The following KCNQ1OT1 variants were observed in gnomAD, a reference collection of about 807,000 sequenced individuals.
The protein encoded by KCNQ1OT1 is KCNQ1 antisense RNA 2 (non-protein coding).
At chr11:2,633,028 C>T (rs1849388310) in exon 1 of KCNQ1OT1, 1 of 398,206 alleles carries the variant, frequency 2.5e-6, no homozygotes, top group African/African-American at 2.1e-5. Flanking sequence ...ATTTATAGTC[C>T]CACAAATAGT....
chr11:2,620,199 G>GTATATA lies in KCNQ1OT1; in HGVS notation n.79790_79795dup, dbSNP rs140322945. On this transcript the variant is annotated non_coding_transcript_exon_variant, in exon 1 of 1. Transcript: ENST00000597346. This position sits in a 1 kb window ranked among gnomAD's most constrained non-coding sequence, Gnocchi z 4.5. The stretch of plus-strand genomic sequence containing the variant: ...CTGCAAAGGACGTAAGTTCATTCAT[G>GTATATA]TATATATATATATTTTTTTTTTTTA... The GTATATA allele has an allele frequency of 0.026, 7,634 of 294,790 alleles. 109 individuals are homozygous for GTATATA. Among genetic ancestry groups the GTATATA allele is most frequent in the South Asian group, 0.089 (503 of 5,680 alleles). 18.3% of individuals were successfully genotyped at this position (294,790 alleles called of 1,614,324 possible).
chr11:2,686,998 C>A (rs1384891833), exon 1 of KCNQ1OT1: 4 of 398,516 alleles, frequency 1.0e-5, no homozygotes, highest in African/African-American at 4.1e-5. Context: ...CCCTGACTTG[C>A]TAAGATGGGA....
exon 1 of KCNQ1OT1, chr11:2,609,240 T>C (rs1342442482): frequency 1.5e-5 from 6 of 398,184 alleles, no homozygotes; most frequent in Non-Finnish European, 2.7e-5. Context: ...TTCATTAATC[T>C]CAAAGTACGT....
rs1850446922 is a variant in KCNQ1OT1 at position 2,684,200 on chromosome 11, GC to G, written n.15794del. 3.3e-5 allele frequency: 13 copies of G among 398,646 alleles called. No homozygotes were observed. In the Middle Eastern group the frequency reaches 1.9e-3, roughly 58 times the overall value. The allele number at this position is 398,646 out of a possible 1,614,324, so 24.7% of individuals were successfully genotyped here. ...GCCCACTGGGGCTTGGTCAGACTCT[GC>G]CAGGAGACAGGCAGCTGTCTGTTAA... On this transcript the variant is annotated non_coding_transcript_exon_variant, in exon 1 of 1. Coordinates refer to ENST00000597346, the Ensembl canonical transcript of KCNQ1OT1.
chr11:2,667,670 C>T, exon 1 of KCNQ1OT1: 1 of 398,688 alleles, frequency 2.5e-6, no homozygotes, highest in Non-Finnish European at 4.4e-6. Flanking sequence ...TGCAGAGCCT[C>T]TGGAGGCTGA....
rs1021762697 is a variant in KCNQ1OT1, at chr11:2,678,127, T to C, written n.21868A>G. 4 of 398,328 alleles carry C rather than the reference T, an allele frequency of 1.0e-5. No homozygotes were observed. Among genetic ancestry groups the C allele is most frequent in the Middle Eastern group, 6.2e-4 (1 of 1,606 alleles). The allele number at this position is 398,328 out of a possible 1,614,324, so 24.7% of individuals were successfully genotyped here. A position where few individuals can be genotyped will look rare whatever the true frequency, so the allele number is the denominator to read the frequency against. ...CTTTGTCATATTCATTGAAAATATTTTATCCTCATTTTCCTTAGGTGTTTT... is the reference window on the plus strand; with the variant it reads ...CTTTGTCATATTCATTGAAAATATTCTATCCTCATTTTCCTTAGGTGTTTT... On this transcript the variant is annotated non_coding_transcript_exon_variant, in exon 1 of 1. Transcript: ENST00000597346. This position sits in a 1 kb window ranked among gnomAD's most constrained non-coding sequence, Gnocchi z 4.9.
exon 1 of KCNQ1OT1, chr11:2,633,122 A>G (rs936993781): frequency 2.3e-5 from 9 of 398,394 alleles, no homozygotes; most frequent in African/African-American, 1.9e-4. Context: ...CTGAGGTGAA[A>G]TAATGTCTCA....
chr11:2,616,734 T>C (rs753092975), exon 1 of KCNQ1OT1: 4 of 398,138 alleles, frequency 1.0e-5, no homozygotes, highest in African/African-American at 2.1e-5. Flanking sequence ...CCTCACTATA[T>C]TGTAGTTAGA....
exon 1 of KCNQ1OT1, chr11:2,665,506 C>G (rs943879757): frequency 2.5e-6 from 1 of 394,576 alleles, no homozygotes; most frequent in Non-Finnish European, 4.4e-6. Flanking sequence ...CTGTGCCTTG[C>G]GTGTGGTAAC....
rs138670541 is a variant in KCNQ1OT1, at chr11:2,644,131, A to C, written n.55864T>G. On this transcript the variant is annotated non_coding_transcript_exon_variant, in exon 1 of 1. Coordinates refer to ENST00000597346, the Ensembl canonical transcript of KCNQ1OT1. ...TTCTGAGATTCCTATATTTGGATCT[A>C]AATCTCTTGGGAGATTGGGAAGTGT... is the stretch of plus-strand genomic sequence containing the variant. 9.9e-3 allele frequency: 3,944 copies of C among 398,582 alleles called. 42 individuals are homozygous for C. Among genetic ancestry groups the C allele is most frequent in the Non-Finnish European group, 8.8e-3 (1,986 of 226,042 alleles). 24.7% of individuals were successfully genotyped at this position (398,582 alleles called of 1,614,324 possible).
rs72850281 is a variant in KCNQ1OT1, at chr11:2,695,790, C to G, written n.4205G>C. The G allele has an allele frequency of 0.015, 6,004 of 398,620 alleles. 70 individuals are homozygous for G. Among genetic ancestry groups the G allele is most frequent in the Non-Finnish European group, 0.022 (4,964 of 226,064 alleles). 24.7% of individuals were successfully genotyped at this position (398,620 alleles called of 1,614,324 possible). ...CCTTATCCTACTTTCTAATGCTTCTCCTATGAAGAATAGCTGTTGCTTTCA... is the reference window on the plus strand; with the variant it reads ...CCTTATCCTACTTTCTAATGCTTCTGCTATGAAGAATAGCTGTTGCTTTCA... On this transcript the variant is annotated non_coding_transcript_exon_variant, in exon 1 of 1. Coordinates refer to ENST00000597346, the Ensembl canonical transcript of KCNQ1OT1. This position sits in a 1 kb window ranked among gnomAD's most constrained non-coding sequence, Gnocchi z 5.2.
rs1187006416 is a variant in KCNQ1OT1, at chr11:2,638,124, CTT to C, written n.61869_61870del. On this transcript the variant is annotated non_coding_transcript_exon_variant, in exon 1 of 1. Transcript: ENST00000597346. ...TACAGCACACTGATGGGTCTTGACT[CTT>C]TATCCAATTTGCCAGTCTGTGTCTT... 1.4e-4 allele frequency: 21 copies of C among 152,236 alleles called. No homozygotes were observed. The East Asian group carries it at 3.1e-3, about 22-fold the overall frequency. The allele number at this position is 152,236 out of a possible 1,614,324, so 9.4% of individuals were successfully genotyped here.
Position 2,677,989 on chromosome 11 carries a change from G to C in KCNQ1OT1, n.22006C>G. ...TTTACATTTCTTTTGTTGGAAATGA[G>C]GTTTTTATCTTTCCAAATGCTTAAA... is the stretch of plus-strand genomic sequence containing the variant. On this transcript the variant is annotated non_coding_transcript_exon_variant, in exon 1 of 1. Coordinates refer to ENST00000597346, the Ensembl canonical transcript of KCNQ1OT1. This position sits in a 1 kb window ranked among gnomAD's most constrained non-coding sequence, Gnocchi z 4.5. 2 of 394,482 alleles carry C rather than the reference G, an allele frequency of 5.1e-6. No individual in the cohort carries two copies. The highest frequency in any genetic ancestry group is 8.9e-6 in the Non-Finnish European group (2 of 225,664). 24.4% of individuals were successfully genotyped at this position (394,482 alleles called of 1,614,324 possible). A position where few individuals can be genotyped will look rare whatever the true frequency, so the allele number is the denominator to read the frequency against.
In KCNQ1OT1 at chr11:2,671,586, G is replaced by C; in HGVS notation, n.28409C>G. 1 of 398,618 alleles carries C rather than the reference G, an allele frequency of 2.5e-6. No individual in the cohort carries two copies. Among genetic ancestry groups the C allele is most frequent in the East Asian group, 3.6e-5 (1 of 28,078 alleles). 24.7% of individuals were successfully genotyped at this position (398,618 alleles called of 1,614,324 possible). On this transcript the variant is annotated non_coding_transcript_exon_variant, in exon 1 of 1. Coordinates refer to ENST00000597346, the Ensembl canonical transcript of KCNQ1OT1. The surrounding 1 kb of genome is among the most constrained non-coding windows in gnomAD (Gnocchi z 4.7). ...TCTTTGGCACTGAGCATTTATACAA[G>C]ATCAGACTGCACTGCACCCTAAGTA...
exon 1 of KCNQ1OT1, chr11:2,610,298 T>C (rs904729102): frequency 1.3e-5 from 5 of 398,008 alleles, no homozygotes; most frequent in Non-Finnish European, 1.8e-5. Flanking sequence ...TTACCACTTT[T>C]TGTGGTATTG....
chr11:2,618,888 C>T (rs988175710), exon 1 of KCNQ1OT1: 5 of 398,014 alleles, frequency 1.3e-5, no homozygotes, highest in African/African-American at 2.1e-5. Context: ...GTGTACAGGT[C>T]TTTCATCTTT....
In KCNQ1OT1 at chr11:2,671,972, C is replaced by A. The variant is rs1850191186; in HGVS notation, n.28023G>T. ...GGGTAGAAAGAGTGGGCTAAAAAGT[C>A]AGCTAGCACCCCTGACTTCAAGTCC... On this transcript the variant is annotated non_coding_transcript_exon_variant, in exon 1 of 1. Transcript: ENST00000597346. The surrounding 1 kb of genome is among the most constrained non-coding windows in gnomAD (Gnocchi z 4.7). 2.5e-6 allele frequency: 1 copy of A among 398,538 alleles called. No homozygotes were observed. The highest frequency in any genetic ancestry group is 1.3e-4 in the South Asian group (1 of 7,842). The allele number at this position is 398,538 out of a possible 1,614,324, so 24.7% of individuals were successfully genotyped here.
At chr11:2,665,499 T>C (rs1224072840) in exon 1 of KCNQ1OT1, 1 of 395,156 alleles carries the variant, frequency 2.5e-6, no homozygotes, top group Non-Finnish European at 4.4e-6. Context: ...TGCATCCCTG[T>C]GCCTTGCGTG....
At position 2,668,148 on chromosome 11, in the gene KCNQ1OT1, G is replaced by C. The variant is rs1242133047; in HGVS notation, n.31847C>G. The C allele has an allele frequency of 2.5e-6, 1 of 398,550 alleles. No homozygotes were observed. Among genetic ancestry groups the C allele is most frequent in the African/African-American group, 2.1e-5 (1 of 48,642 alleles). 24.7% of individuals were successfully genotyped at this position (398,550 alleles called of 1,614,324 possible). A position where few individuals can be genotyped will look rare whatever the true frequency, so the allele number is the denominator to read the frequency against. ...CAGCCTCTCTATGGGGCTGAAGGGA[G>C]AGTGCTCCCTCATGCTCCTTGCTGA... On this transcript the variant is annotated non_coding_transcript_exon_variant, in exon 1 of 1. Coordinates refer to ENST00000597346, the Ensembl canonical transcript of KCNQ1OT1. This position sits in a 1 kb window ranked among gnomAD's most constrained non-coding sequence, Gnocchi z 4.3.
Sources: allele counts gnomAD v4.1 joint callset, GRCh38; gene constraint gnomAD v4.1.1; non-coding constraint Gnocchi (gnomAD v3.1); transcripts MANE v1.5; gene names NCBI Gene and HGNC (gene_info 2026-07-23, HGNC 2026-07-21).